DYRK1A: variants seen among roughly 807,000 people sequenced by gnomAD.
DYRK1A encodes dual specificity tyrosine phosphorylation regulated kinase 1A.
A neutral mutation model predicts 79.7 loss-of-function variants in DYRK1A; 9 were observed. The ratio of observed to expected loss-of-function variants is 0.11; its 90% CI spans 0.07 to 0.20. The LOEUF (loss-of-function observed/expected upper bound fraction) is 0.20. DYRK1A is among the 10% of genes least tolerant of loss of function. DYRK1A has a pLI of 1.00. For synonymous variants in DYRK1A, 349 were observed against 329.7 expected, an observed-to-expected ratio of 1.06 and a Z score of -0.63; for missense variants, 622 against 956.0, an observed-to-expected ratio of 0.65 and a Z score of 4.61.
intron 11 of DYRK1A, among the ~76,000 whole-genome samples, chr21:37,506,806 C>T (rs540279137): frequency 4.6e-5 from 7 of 152,154 alleles, no homozygotes; most frequent in African/African-American, 1.2e-4. Flanking sequence ...TGGTTCATAC[C>T]GAGTTTTGCG....
At chr21:37,460,456 C>CA (rs2051803426) in intron 2 of DYRK1A, among the ~76,000 whole-genome samples, 2 of 152,162 alleles carry the variant, frequency 1.3e-5, no homozygotes, top group Admixed American at 6.5e-5. Context: ...GGCCTCTAAT[C>CA]CACTGTTAGC....
chr21:37,456,863 G>A (rs568708840), intron 2 of DYRK1A, among the ~76,000 whole-genome samples: 1 of 152,262 alleles, frequency 6.6e-6, no homozygotes, highest in East Asian at 1.9e-4. Flanking sequence ...TAAGAGTTCA[G>A]TGAATGTTGT....
intron 1 of DYRK1A, chr21:37,419,798 T>C (rs2050429321): frequency 1.3e-5 from 2 of 152,176 alleles, no homozygotes; most frequent in Admixed American, 6.6e-5. Context: ...CAAGAGGGCT[T>C]GTGGACTTGG....
chr21:37,472,992 G>A lies in DYRK1A; in HGVS notation c.207+112G>A, dbSNP rs2898316. ...AATGGCTTTCAGTTTTACATGCAAC[G>A]TGGGATTATGGATTGGGAAAACATG... is the stretch of plus-strand genomic sequence containing the variant. On this transcript the variant is annotated intron_variant, in intron 3 of 11. Transcript: ENST00000647188. 44,110 of 809,520 alleles carry A rather than the reference G, an allele frequency of 0.054. 1,418 individuals carry two copies. The highest frequency in any genetic ancestry group is 0.14 in the Middle Eastern group (477 of 3,498). The allele number at this position is 809,520 out of a possible 1,614,324, so 50.1% of individuals were successfully genotyped here.
upstream of DYRK1A, among the ~76,000 whole-genome samples, chr21:37,366,404 G>GGGCGC (rs2049305068): frequency 6.9e-6 from 1 of 145,746 alleles, no homozygotes; most frequent in Non-Finnish European, 1.5e-5. Flanking sequence ...CAGTCGGCGC[G>GGGCGC]GGCGCGGGGC....
chr21:37,383,291 G>A (rs1189536516), intron 1 of DYRK1A, among the ~76,000 whole-genome samples: 9 of 152,236 alleles, frequency 5.9e-5, no homozygotes. Flanking sequence ...AGTATAAGTT[G>A]CAGTGACTGA....
intron 2 of DYRK1A, among the ~76,000 whole-genome samples, chr21:37,420,664 A>G (rs561690581): frequency 1.3e-5 from 2 of 152,112 alleles, no homozygotes; most frequent in Non-Finnish European, 2.9e-5. Context: ...AATTCTGTTA[A>G]TGTAAATAAC....
chr21:37,502,002 C>T (rs935595346), intron 9 of DYRK1A: 2 of 152,098 alleles, frequency 1.3e-5, no homozygotes, highest in African/African-American at 4.8e-5. Context: ...TGTCTCTAGT[C>T]ATGTTTGTCT....
intron 9 of DYRK1A, chr21:37,502,668 T>C (rs1007886778): frequency 6.6e-6 from 1 of 152,200 alleles, no homozygotes; most frequent in African/African-American, 2.4e-5. Flanking sequence ...AGATCTTTTA[T>C]ATTTATCCTT....
chr21:37,502,679 A>G (rs1207087587), intron 9 of DYRK1A: 1 of 152,162 alleles, frequency 6.6e-6, no homozygotes, highest in Non-Finnish European at 1.5e-5. Context: ...ATTTATCCTT[A>G]TATTTGCTCT....
At chr21:37,488,237 A>T in intron 6 of DYRK1A, 1 of 512,502 alleles carries the variant, frequency 2.0e-6, no homozygotes, top group Non-Finnish European at 2.5e-6. Flanking sequence ...TTAAATTCTT[A>T]TTTCAGAAGA....
At chr21:37,395,419 C>T (rs2049943071) in intron 1 of DYRK1A, among the ~76,000 whole-genome samples, 1 of 152,176 alleles carries the variant, frequency 6.6e-6, no homozygotes, top group African/African-American at 2.4e-5. Context: ...GCTCCCGCTC[C>T]TCACCTCATT....
At chr21:37,423,764 A>C (rs2050541131) in intron 2 of DYRK1A, among the ~76,000 whole-genome samples, 1 of 152,204 alleles carries the variant, frequency 6.6e-6, no homozygotes, top group Non-Finnish European at 1.5e-5. Flanking sequence ...GTTCCAAAGC[A>C]TACAGAGCTA....
chr21:37,447,410 C>CA (rs1476504348), intron 2 of DYRK1A, among the ~76,000 whole-genome samples: 2 of 152,086 alleles, frequency 1.3e-5, no homozygotes, highest in African/African-American at 4.8e-5. Context: ...GAATGCCTCA[C>CA]ACGAATCTTG....
chr21:37,442,083 ATCT>A (rs1220731531), intron 2 of DYRK1A, among the ~76,000 whole-genome samples: 2 of 151,798 alleles, frequency 1.3e-5, no homozygotes, highest in South Asian at 2.1e-4. Context: ...CTTACAGAAA[ATCT>A]TCTTTATTCA....
chr21:37,413,334 T>TA (rs1275367286), intron 1 of DYRK1A, among the ~76,000 whole-genome samples: 1 of 152,162 alleles, frequency 6.6e-6, no homozygotes, highest in South Asian at 2.1e-4. Context: ...TACATACGTA[T>TA]AAAAGTACAT....
At chr21:37,366,370 A>AGGCCGCGCGCGCTCCCCGGGC (rs1215817268), upstream of DYRK1A, among the ~76,000 whole-genome samples, 28 of 141,720 alleles carry the variant, frequency 2.0e-4, no homozygotes, top group Non-Finnish European at 4.2e-4. Context: ...GCGGCGCGGG[A>AGGCCGCGCGCGCTCCCCGGGC]GGCCGCGCGC....
chr21:37,407,191 G>T (rs1033055881), intron 1 of DYRK1A, among the ~76,000 whole-genome samples: 1 of 152,176 alleles, frequency 6.6e-6, no homozygotes, highest in Admixed American at 6.5e-5. Context: ...TTGCATATAT[G>T]TAGTGAGATA....
intron 11 of DYRK1A, among the ~76,000 whole-genome samples, chr21:37,508,793 C>A (rs761314028): frequency 2.0e-5 from 3 of 152,158 alleles, no homozygotes; most frequent in Admixed American, 2.0e-4. Context: ...TTCCTGTGCT[C>A]TCAGCCTGGA....
Sources: gnomAD v4.1 joint callset for allele counts (sites outside exome capture counted in the v4.1 genomes callset) on GRCh38, gnomAD v4.1.1 for gene constraint, MANE v1.5 for transcripts, NCBI Gene and HGNC (gene_info 2026-07-23, HGNC 2026-07-21) for gene names.